Variants in DPP6 observed in about 807,000 individuals in gnomAD.
DPP6 encodes dipeptidyl peptidase like 6.
A neutral mutation model predicts 122.6 loss-of-function variants in DPP6; 69 were observed. The ratio of observed to expected loss-of-function variants is 0.56; its 90% CI spans 0.46 to 0.69. The LOEUF (loss-of-function observed/expected upper bound fraction) is 0.69, where lower values mean the gene tolerates loss of function less well. Among genes scored for constraint, DPP6 ranks in the 30% least tolerant of loss-of-function variants. The probability of loss-of-function intolerance (pLI) is 0.00; values close to 1 mark genes in which losing one functional copy is unlikely to be tolerated. For missense variants in DPP6, 928 were observed against 1,116.9 expected (o/e 0.83, Z 2.41); for synonymous variants, 418 against 433.1 (o/e 0.97, Z 0.43).
intron 1 of DPP6, among the ~76,000 whole-genome samples, chr7:154,206,875 G>A (rs112505210): frequency 2.6e-5 from 4 of 152,308 alleles, no homozygotes; most frequent in East Asian, 1.9e-4. Context: ...TTTTAAATGC[G>A]TATGGGGTCA....
the DPP6 span, among the ~76,000 whole-genome samples, chr7:153,851,342 A>C: frequency 6.6e-6 from 1 of 152,228 alleles, no homozygotes; most frequent in Non-Finnish European, 1.5e-5. Flanking sequence ...TACTTTGTAC[A>C]TTTCAAAATA....
At chr7:154,746,968 G>C (rs988160639) in intron 8 of DPP6, among the ~76,000 whole-genome samples, 2 of 152,140 alleles carry the variant, frequency 1.3e-5, no homozygotes, top group Admixed American at 1.3e-4. Flanking sequence ...TTATTCCCAG[G>C]GCTGAGGGGA....
chr7:154,006,649 A>C (rs1345442444), intron 1 of DPP6, among the ~76,000 whole-genome samples: 2 of 152,066 alleles, frequency 1.3e-5, no homozygotes, highest in African/African-American at 4.8e-5. Context: ...TATTTTACCT[A>C]TCTGTGCTCT....
At chr7:153,804,368 A>G in the DPP6 span, among the ~76,000 whole-genome samples, 86 of 152,064 alleles carry the variant, frequency 5.7e-4, no homozygotes, top group South Asian at 5.0e-3. Context: ...TACTTTTGAT[A>G]TCTAGCTTGC....
intron 6 of DPP6, among the ~76,000 whole-genome samples, chr7:154,639,505 A>C (rs1227236924): frequency 6.6e-6 from 1 of 152,164 alleles, no homozygotes; most frequent in African/African-American, 2.4e-5. Context: ...ATTTCGTTCC[A>C]TCTTATATCA....
At position 154,501,714 on chromosome 7, in the gene DPP6, A is replaced by G. The variant is rs183772001; in HGVS notation, c.457+26677A>G. ...TGCTGCAGGGGTGGGGCCCTCATGG[A>G]GAACCTCTGCTAGGGCAGTGTGGAA... On this transcript the variant is annotated intron_variant, in intron 3 of 25. Transcript: ENST00000377770. Among the ~76,000 whole-genome samples, 118 of 152,344 alleles carry G rather than the reference A, an allele frequency of 7.7e-4. 1 individual carries two copies. The highest frequency in any genetic ancestry group is 2.6e-3 in the African/African-American group (108 of 41,574).
chr7:154,192,395 G>T (rs1378327956), intron 1 of DPP6, among the ~76,000 whole-genome samples: 2 of 152,216 alleles, frequency 1.3e-5, no homozygotes, highest in African/African-American at 4.8e-5. Context: ...TAGTTAATCT[G>T]GTAGACCTTC....
chr7:154,140,706 C>A (rs1282477814), intron 1 of DPP6, among the ~76,000 whole-genome samples: 1 of 152,124 alleles, frequency 6.6e-6, no homozygotes, highest in African/African-American at 2.4e-5. Flanking sequence ...CTAACATGAT[C>A]TAAATCCTTA....
intron 7 of DPP6, among the ~76,000 whole-genome samples, chr7:154,722,706 G>T (rs1841881626): frequency 1.3e-5 from 2 of 152,114 alleles, no homozygotes; most frequent in Admixed American, 6.5e-5. Context: ...TGGGGATGGT[G>T]CGTGGACTAA....
intron 1 of DPP6, among the ~76,000 whole-genome samples, chr7:154,021,920 C>G (rs1048060470): frequency 6.6e-6 from 1 of 152,196 alleles, no homozygotes; most frequent in Non-Finnish European, 1.5e-5. Context: ...TGGACACAAT[C>G]CAGAAATAAT....
chr7:154,590,905 G>C (rs1832775342), intron 5 of DPP6, among the ~76,000 whole-genome samples: 1 of 152,136 alleles, frequency 6.6e-6, no homozygotes, highest in South Asian at 2.1e-4. Context: ...AGCCCATAAT[G>C]ATGGCCTCGA....
chr7:154,544,781 G>A (rs530485822), intron 4 of DPP6, among the ~76,000 whole-genome samples: 83 of 152,334 alleles, frequency 5.4e-4, no homozygotes, highest in African/African-American at 1.5e-3. Context: ...TGCCACATGT[G>A]GATTCCAGAG....
At chr7:154,157,091 G>A (rs1338502978) in intron 1 of DPP6, among the ~76,000 whole-genome samples, 4 of 152,216 alleles carry the variant, frequency 2.6e-5, no homozygotes, top group East Asian at 1.9e-4. Flanking sequence ...TGGAAGATTT[G>A]CTTAAGGTGT....
chr7:153,984,023 G>A lies in DPP6; in HGVS notation c.51+96289G>A, dbSNP rs2531104. ...TTGGCCAGGAATCCTCCTTACAGAT[G>A]CTGTTTATTCTAACAACCATTCTGT... On this transcript the variant is annotated intron_variant, in intron 1 of 25. Transcript: ENST00000404039. Among the ~76,000 whole-genome samples, 12 of 144,494 alleles carry A rather than the reference G, an allele frequency of 8.3e-5. No homozygotes were observed. The East Asian group carries it at 1.5e-3, about 18-fold the overall frequency. 94.8% of individuals were successfully genotyped at this position (144,494 alleles called of 152,430 possible).
chr7:153,820,568 C>T, the DPP6 span, among the ~76,000 whole-genome samples: 1 of 152,026 alleles, frequency 6.6e-6, no homozygotes, highest in African/African-American at 2.4e-5. Context: ...CAGAAGGCAT[C>T]CCCGGATGTT....
intron 1 of DPP6, among the ~76,000 whole-genome samples, chr7:154,034,332 T>C (rs1360640595): frequency 6.6e-6 from 1 of 152,206 alleles, no homozygotes; most frequent in East Asian, 1.9e-4. Context: ...GCTGAGGGAA[T>C]GGAAGTCCAT....
chr7:154,495,213 G>A (rs1342540645), intron 3 of DPP6, among the ~76,000 whole-genome samples: 1 of 152,202 alleles, frequency 6.6e-6, no homozygotes, highest in Non-Finnish European at 1.5e-5. Flanking sequence ...GGGGCCATGA[G>A]TGTGAGGAGA....
chr7:154,413,601 A>C (rs1419633169), intron 1 of DPP6, among the ~76,000 whole-genome samples: 1 of 152,236 alleles, frequency 6.6e-6, no homozygotes, highest in African/African-American at 2.4e-5. Context: ...TATTGAACAC[A>C]CAAAATGTTT....
intron 8 of DPP6, among the ~76,000 whole-genome samples, chr7:154,758,878 G>A (rs1009694905): frequency 6.6e-6 from 1 of 152,170 alleles, no homozygotes; most frequent in African/African-American, 2.4e-5. Context: ...GACCAGAGCT[G>A]GAGCCTGGGT....
Sources: allele counts gnomAD v4.1 joint callset (sites outside exome capture counted in the v4.1 genomes callset), GRCh38; gene constraint gnomAD v4.1.1; transcripts MANE v1.5; gene names NCBI Gene and HGNC (gene_info 2026-07-23, HGNC 2026-07-21).